The following ZSCAN25 variants were observed in gnomAD, a reference collection of about 807,000 sequenced individuals.
The protein encoded by ZSCAN25 is zinc finger and SCAN domain-containing protein 25.
In ZSCAN25, 27 loss-of-function variants were observed where a neutral mutation model predicts 38.7. That is an observed-to-expected ratio of 0.70 (90% CI 0.51 to 0.96). The LOEUF (loss-of-function observed/expected upper bound fraction) is 0.96. Among genes scored for constraint, ZSCAN25 ranks in the 40% least tolerant of loss-of-function variants. ZSCAN25 has a pLI of 0.00. For synonymous variants in ZSCAN25, 273 were observed against 277.7 expected, an observed-to-expected ratio of 0.98 and a Z score of 0.17; for missense variants, 637 against 705.9, an observed-to-expected ratio of 0.90 and a Z score of 1.11.
the ZSCAN25 span, chr7:99,672,621 C>G: frequency 1.2e-6 from 2 of 1,614,100 alleles, no homozygotes; most frequent in Non-Finnish European, 8.5e-7. Flanking sequence ...TTCACTAGCA[C>G]TGTTCTGATC....
At chr7:99,640,720 C>T in the ZSCAN25 span, among the ~76,000 whole-genome samples, 2 of 152,130 alleles carry the variant, frequency 1.3e-5, no homozygotes, top group Non-Finnish European at 2.9e-5. Context: ...TCTTGTCCAA[C>T]GCATTCCCAG....
intron 3 of ZSCAN25, 24 bp downstream of exon 3, chr7:99,619,156 T>C (rs1361516762): frequency 1.9e-5 from 3 of 154,540 alleles, no homozygotes; most frequent in Admixed American, 6.4e-5. Context: ...GTGTCTTGTT[T>C]TCTATTTTAT....
intron 7 of ZSCAN25, among the ~76,000 whole-genome samples, chr7:99,626,038 T>C (rs1807439309): frequency 6.6e-6 from 1 of 152,226 alleles, no homozygotes; most frequent in South Asian, 2.1e-4. Context: ...AGGGTTGAGC[T>C]AGGTGGCTGC....
At chr7:99,637,259 C>T (rs1322463952), downstream of ZSCAN25, among the ~76,000 whole-genome samples, 1 of 152,122 alleles carries the variant, frequency 6.6e-6, no homozygotes, top group East Asian at 1.9e-4. Context: ...TTTTAAATTA[C>T]TGGTCTTAGG....
At chr7:99,711,030 G>C in the ZSCAN25 span, 2 of 1,420,696 alleles carry the variant, frequency 1.4e-6, no homozygotes, top group African/African-American at 2.9e-5. Context: ...CACTGGGGGT[G>C]GTTTCACTCT....
chr7:99,623,533 A>G (rs925441323), intron 6 of ZSCAN25, among the ~76,000 whole-genome samples: 2 of 152,342 alleles, frequency 1.3e-5, no homozygotes, highest in East Asian at 1.9e-4. Flanking sequence ...AGAAAAAAGA[A>G]GGGGATCAAG....
At chr7:99,720,965 G>A in the ZSCAN25 span, 1 of 155,366 alleles carries the variant, frequency 6.4e-6, no homozygotes, top group African/African-American at 2.4e-5. Context: ...CAGCACTGTG[G>A]TTTCTGAGGA....
chr7:99,650,887 C>A, the ZSCAN25 span, among the ~76,000 whole-genome samples: 4 of 152,180 alleles, frequency 2.6e-5, no homozygotes, highest in African/African-American at 9.7e-5. Context: ...GTCATCCCTG[C>A]TTTCCTTGAT....
At chr7:99,680,046 G>T in the ZSCAN25 span, 22 of 680,978 alleles carry the variant, frequency 3.2e-5, no homozygotes, top group African/African-American at 3.4e-4. Flanking sequence ...AAGGAGGCAG[G>T]GCTATAGCTG....
At chr7:99,656,758 A>G in the ZSCAN25 span, among the ~76,000 whole-genome samples, 1 of 152,080 alleles carries the variant, frequency 6.6e-6, no homozygotes, top group Non-Finnish European at 1.5e-5. Context: ...TCAATTTCAG[A>G]ACCTGTTATT....
rs771529820 is a variant in ZSCAN25 at position 99,631,805 on chromosome 7, C to T, written c.*1785C>T. 515 of 985,370 alleles carry T rather than the reference C, an allele frequency of 5.2e-4. No individual in the cohort carries two copies. Among genetic ancestry groups the T allele is most frequent in the Non-Finnish European group, 6.0e-4 (502 of 829,960 alleles). 61.0% of individuals were successfully genotyped at this position (985,370 alleles called of 1,614,324 possible). On this transcript the variant is annotated 3_prime_UTR_variant, in exon 8 of 8. Transcript: ENST00000394152. ...CTCATTAGCTGTGCCCACGAGGCTG[C>T]ACTGACTGGGTCGTAAATGTATCTG... is the stretch of plus-strand genomic sequence containing the variant.
the ZSCAN25 span, among the ~76,000 whole-genome samples, chr7:99,728,836 T>TAGCCTTTCTAATGACTTTTCTGC: frequency 8.2e-4 from 125 of 152,306 alleles, 1 homozygote; most frequent in African/African-American, 2.9e-3. Flanking sequence ...CAACTTTCTG[T>TAGCCTTTCTAATGACTTTTCTGC]AGCCTTTCTA....
the ZSCAN25 span, among the ~76,000 whole-genome samples, chr7:99,731,661 G>A: frequency 6.6e-6 from 1 of 152,116 alleles, no homozygotes; most frequent in Non-Finnish European, 1.5e-5. Flanking sequence ...TTGCTCAGAG[G>A]CTTTTAAGCT....
At chr7:99,660,585 G>T in the ZSCAN25 span, 1 of 1,613,984 alleles carries the variant, frequency 6.2e-7, no homozygotes, top group East Asian at 2.2e-5. Flanking sequence ...GTGAAGGAAA[G>T]AACACTGCTG....
At chr7:99,679,578 C>G in the ZSCAN25 span, among the ~76,000 whole-genome samples, 1 of 152,092 alleles carries the variant, frequency 6.6e-6, no homozygotes, top group African/African-American at 2.4e-5. Flanking sequence ...CAAATCATTC[C>G]CACTACCAAA....
the ZSCAN25 span, among the ~76,000 whole-genome samples, chr7:99,718,090 G>A: frequency 6.6e-6 from 1 of 152,122 alleles, no homozygotes; most frequent in Admixed American, 6.5e-5. Context: ...CATGGACACA[G>A]GAAGGGGAAC....
chr7:99,666,565 GA>G, the ZSCAN25 span: 1 of 1,602,820 alleles, frequency 6.2e-7, no homozygotes, highest in Non-Finnish European at 8.5e-7. Flanking sequence ...AAGGGCTCAT[GA>G]CAGCTCAGAA....
chr7:99,694,123 A>G, the ZSCAN25 span, among the ~76,000 whole-genome samples: 1 of 152,080 alleles, frequency 6.6e-6, no homozygotes, highest in African/African-American at 2.4e-5. Flanking sequence ...TTTTTCATGT[A>G]TTGTCTCTAA....
chr7:99,621,502 G>A lies in ZSCAN25; in HGVS notation c.517G>A (p.Gly173Ser). The A allele has an allele frequency of 6.3e-7, 1 of 1,575,918 alleles. No homozygotes were observed. The highest frequency in any genetic ancestry group is 8.6e-7 in the Non-Finnish European group (1 of 1,156,106). ...WGMPPGEGVQ[G>S]PDPGTEEQLS... ...GATGCCCCCTGGGGAAGGAGTTCAA[G>A]GTCCAGACCCAGGTACCGAGGAGCA... is the stretch of plus-strand genomic sequence containing the variant. The change falls in exon 5 of 8, where the codon GGT (glycine) becomes AGT (serine). Residue 173 changes from glycine (G) to serine (S), a missense_variant. Physicochemically the swap from Gly to Ser is moderately conservative, Grantham distance 56 (BLOSUM62 0). Transcript: ENST00000394152.
Sources: allele counts gnomAD v4.1 joint callset (sites outside exome capture counted in the v4.1 genomes callset), GRCh38; gene constraint gnomAD v4.1.1; transcripts MANE v1.5; gene names NCBI Gene and HGNC (gene_info 2026-07-23, HGNC 2026-07-21).